The following NRCAM variants were observed in gnomAD, a reference collection of about 807,000 sequenced individuals.
NRCAM encodes neuronal cell adhesion molecule.
NRCAM carries 83 observed loss-of-function variants against 156.5 expected under a neutral mutation model. The ratio of observed to expected loss-of-function variants is 0.53; its 90% CI spans 0.44 to 0.64. The LOEUF (loss-of-function observed/expected upper bound fraction) is 0.64, where lower values mean the gene tolerates loss of function less well. Ranked by LOEUF, NRCAM falls within the 30% of genes least tolerant of loss-of-function variation. The pLI is 0.00. For synonymous variants in NRCAM, 538 were observed against 563.9 expected (o/e 0.95, Z 0.65); for missense variants, 1,417 against 1,597.3 (o/e 0.89, Z 1.92).
chr7:108,343,536 A>C (rs1474861378), intron 2 of NRCAM, among the ~76,000 whole-genome samples: 1 of 152,208 alleles, frequency 6.6e-6, no homozygotes, highest in Non-Finnish European at 1.5e-5. Flanking sequence ...AAGGACCCCT[A>C]GTATGTGGTA....
Position 108,443,879 on chromosome 7 carries a change from T to TATAGATAGATAGATAGATAGATAGATAG in NRCAM, c.-332+12363_-332+12364insCTATCTATCTATCTATCTATCTATCTAT, listed in dbSNP as rs142458020. Among the ~76,000 whole-genome samples, 1,137 of 148,214 alleles carry TATAGATAGATAGATAGATAGATAGATAG rather than the reference T, an allele frequency of 7.7e-3. 5 individuals carry two copies. Among genetic ancestry groups the TATAGATAGATAGATAGATAGATAGATAG allele is most frequent in the Non-Finnish European group, 0.011 (745 of 67,226 alleles). On this transcript the variant is annotated intron_variant, in intron 1 of 32. Coordinates refer to ENST00000379028, the MANE Select transcript of NRCAM (RefSeq NM_001037132.4). ...TCCTTTGGTACACAAAGTATACAGATATAGATAGATAGATACATACATACA... is the reference window on the plus strand; with the variant it reads ...TCCTTTGGTACACAAAGTATACAGATATAGATAGATAGATAGATAGATAGATAGATAGATAGATAGATACATACATACA...
Position 108,173,316 on chromosome 7 carries a change from CAT to C in NRCAM, c.3187+2004_3187+2005del, listed in dbSNP as rs767041481. 1.4e-4 allele frequency among the ~76,000 whole-genome samples: 22 copies of C among 152,194 alleles called. 1 individual carries two copies. Among genetic ancestry groups the C allele is most frequent in the African/African-American group, 4.6e-4 (19 of 41,528 alleles). On this transcript the variant is annotated intron_variant, in intron 28 of 32. Transcript: ENST00000379028. ...GATGCTTCTATAGCTAAGGATATCA[CAT>C]GTTTCCTCTTTATTCATCTCTTATT...
chr7:108,357,150 G>T (rs980113915), intron 2 of NRCAM, among the ~76,000 whole-genome samples: 3 of 152,174 alleles, frequency 2.0e-5, no homozygotes, highest in African/African-American at 7.2e-5. Context: ...TGCAGGAAAA[G>T]AAGAGGGCAA....
rs527434683 is a variant in NRCAM, at chr7:108,242,453, T to C, written c.-106-2283A>G. Among the ~76,000 whole-genome samples the C allele has an allele frequency of 1.5e-3, 225 of 152,268 alleles. 2 individuals are homozygous for C. Among genetic ancestry groups the C allele is most frequent in the African/African-American group, 5.2e-3 (218 of 41,554 alleles). Reference sequence around the variant, plus strand: ...GTATAGAAGCTCACTCAACCATTTCTGAACAAATACAAACCAGACTATCTT... The same window carrying C: ...GTATAGAAGCTCACTCAACCATTTCCGAACAAATACAAACCAGACTATCTT... On this transcript the variant is annotated intron_variant, in intron 3 of 32. Coordinates refer to ENST00000379028, the MANE Select transcript of NRCAM (RefSeq NM_001037132.4).
intron 2 of NRCAM, among the ~76,000 whole-genome samples, chr7:108,320,438 C>CA (rs2098987737): frequency 6.6e-6 from 1 of 151,160 alleles, no homozygotes; most frequent in Non-Finnish European, 1.5e-5. Flanking sequence ...CAGAGCTAGA[C>CA]AAAACAAAAC....
At chr7:108,228,198 T>C (rs1402072052) in intron 8 of NRCAM, among the ~76,000 whole-genome samples, 1 of 152,122 alleles carries the variant, frequency 6.6e-6, no homozygotes, top group African/African-American at 2.4e-5. Context: ...GGTTTGCACC[T>C]GTAATCTCAG....
intron 2 of NRCAM, among the ~76,000 whole-genome samples, chr7:108,383,134 G>A (rs201258951): frequency 1.3e-4 from 10 of 78,160 alleles, no homozygotes; most frequent in Non-Finnish European, 2.7e-5. Context: ...ACACACACAC[G>A]CTCTCACACA....
intron 11 of NRCAM, among the ~76,000 whole-genome samples, chr7:108,219,366 C>G (rs2091244584): frequency 6.6e-6 from 1 of 152,100 alleles, no homozygotes; most frequent in Non-Finnish European, 1.5e-5. Flanking sequence ...CAGTATCACC[C>G]TAATACCAAA....
intron 2 of NRCAM, among the ~76,000 whole-genome samples, chr7:108,362,763 G>A (rs1371937520): frequency 6.6e-6 from 1 of 152,020 alleles, no homozygotes; most frequent in Non-Finnish European, 1.5e-5. Flanking sequence ...TATACAGATG[G>A]TTACATATAG....
intron 1 of NRCAM, among the ~76,000 whole-genome samples, chr7:108,411,306 T>A (rs1023628695): frequency 6.6e-6 from 1 of 152,152 alleles, no homozygotes; most frequent in Non-Finnish European, 1.5e-5. Context: ...CCCTTAAGGT[T>A]TTTTTCCTTC....
chr7:108,338,800 ACT>A (rs1272314398), intron 2 of NRCAM, among the ~76,000 whole-genome samples: 1 of 152,154 alleles, frequency 6.6e-6, no homozygotes, highest in African/African-American at 2.4e-5. Context: ...ACCCTGTAAC[ACT>A]CTAATACTAC....
intron 3 of NRCAM, among the ~76,000 whole-genome samples, chr7:108,286,451 A>G (rs916704217): frequency 3.9e-5 from 6 of 152,204 alleles, no homozygotes; most frequent in African/African-American, 1.2e-4. Context: ...AAAAAGGCGA[A>G]CAAGTAAGAG....
intron 1 of NRCAM, among the ~76,000 whole-genome samples, chr7:108,415,345 T>G (rs965931361): frequency 2.1e-4 from 32 of 152,218 alleles, no homozygotes; most frequent in Non-Finnish European, 1.2e-4. Flanking sequence ...ACTTCCCCAG[T>G]CAGCCTGAAC....
intron 2 of NRCAM, among the ~76,000 whole-genome samples, chr7:108,366,723 A>C (rs1463192358): frequency 6.6e-6 from 1 of 152,222 alleles, no homozygotes; most frequent in African/African-American, 2.4e-5. Context: ...CCACAATCTC[A>C]AATACTGGTG....
intron 1 of NRCAM, among the ~76,000 whole-genome samples, chr7:108,452,826 C>A (rs1447053056): frequency 6.6e-6 from 1 of 152,144 alleles, no homozygotes; most frequent in Non-Finnish European, 1.5e-5. Flanking sequence ...GGATGAGATT[C>A]CAATAGCTGC....
chr7:108,160,430 C>T lies in NRCAM; in HGVS notation c.3529G>A (p.Val1177Ile). The change falls in exon 31 of 33, where the codon GTT becomes ATT. Residue 1177 changes from valine to isoleucine, a missense_variant. Around this residue, in one of 2 missense-constraint regions of NRCAM, gnomAD observed 179 missense variants for 260.9 expected, o/e 0.69. Transcript: ENST00000379028. ...AGCAAAATTAAGATAAGGAGAGCAACAGCACACATCAGACCAATGAACCAG... is the reference window on the plus strand; with the variant it reads ...AGCAAAATTAAGATAAGGAGAGCAATAGCACACATCAGACCAATGAACCAG... ...QGWFIGLMCA[V>I]ALLILILLIV... The T allele has an allele frequency of 1.9e-6, 3 of 1,613,668 alleles. No individual in the cohort carries two copies. Among genetic ancestry groups the T allele is most frequent in the Non-Finnish European group, 2.5e-6 (3 of 1,179,672 alleles).
chr7:108,168,703 C>T (rs1383250137), intron 28 of NRCAM, among the ~76,000 whole-genome samples: 4 of 152,084 alleles, frequency 2.6e-5, no homozygotes, highest in Admixed American at 6.6e-5. Context: ...GAAATGTCAC[C>T]GTCTTCATTT....
chr7:108,229,863 C>A (rs1254898013), intron 8 of NRCAM, among the ~76,000 whole-genome samples: 7 of 152,202 alleles, frequency 4.6e-5, no homozygotes, highest in Admixed American at 4.6e-4. Flanking sequence ...GAGCAACAAA[C>A]ATGCCCTTGA....
intron 2 of NRCAM, among the ~76,000 whole-genome samples, chr7:108,381,128 T>A (rs1329979723): frequency 2.0e-5 from 3 of 151,642 alleles, no homozygotes; most frequent in Non-Finnish European, 2.9e-5. Context: ...TTAAAACTAT[T>A]TTGCAAGAAG....
Sources: allele counts gnomAD v4.1 joint callset (sites outside exome capture counted in the v4.1 genomes callset), GRCh38; gene constraint gnomAD v4.1.1; regional missense constraint gnomAD v4.1.1; transcripts MANE v1.5; gene names NCBI Gene and HGNC (gene_info 2026-07-23, HGNC 2026-07-21).